The following ZMYM5 variants were observed in gnomAD, a reference collection of about 807,000 sequenced individuals.
ZMYM5 encodes the protein zinc finger MYM-type protein 5.
ZMYM5 carries 41 observed loss-of-function variants against 61.8 expected under a neutral mutation model. The observed-to-expected ratio is 0.66, with a 90% CI of 0.52 to 0.86. ZMYM5 has a LOEUF of 0.86. Among genes scored for constraint, ZMYM5 ranks in the 40% least tolerant of loss-of-function variants. The pLI, the probability that ZMYM5 is intolerant of heterozygous loss-of-function variation, is 0.00. For synonymous variants in ZMYM5, 257 were observed against 276.4 expected, an observed-to-expected ratio of 0.93 and a Z score of 0.70; for missense variants, 706 against 786.7, an observed-to-expected ratio of 0.90 and a Z score of 1.23.
At chr13:19,845,887 A>G (rs1953056513) in intron 4 of ZMYM5, among the ~76,000 whole-genome samples, 1 of 152,170 alleles carries the variant, frequency 6.6e-6, no homozygotes, top group Non-Finnish European at 1.5e-5. Flanking sequence ...GGGTTTCATT[A>G]CGTAGGCATG....
At chr13:19,847,203 C>T (rs1953105110) in intron 4 of ZMYM5, among the ~76,000 whole-genome samples, 1 of 152,092 alleles carries the variant, frequency 6.6e-6, no homozygotes, top group African/African-American at 2.4e-5. Flanking sequence ...CCTGCCTTGG[C>T]CTCAAAAAGT....
intron 2 of ZMYM5, among the ~76,000 whole-genome samples, chr13:19,854,052 C>T (rs1953417429): frequency 6.6e-6 from 1 of 152,146 alleles, no homozygotes; most frequent in Non-Finnish European, 1.5e-5. Flanking sequence ...ACTCTATCGC[C>T]AGGCCAGAGT....
chr13:19,837,521 C>G, intron 6 of ZMYM5, 135 bp downstream of exon 6: 1 of 1,602,450 alleles, frequency 6.2e-7, no homozygotes, highest in Non-Finnish European at 8.5e-7. Flanking sequence ...CTAACATATC[C>G]TTATTCTTCC....
Position 19,851,712 on chromosome 13 carries a change from T to C in ZMYM5, c.469A>G (p.Thr157Ala), listed in dbSNP as rs772472169. Residue 157 changes from threonine to alanine, a missense_variant, in exon 3 of 8, where the codon ACT (threonine) becomes GCT (alanine). Coordinates refer to ENST00000337963, the MANE Select transcript of ZMYM5 (RefSeq NM_001142684.2). ...KNKTNDLDFS[T>A]SSLSRSKTKT... Reference sequence around the variant, plus strand: ...ACCTTACTTCTTGAAAGACTGGAAGTGGAGAAATCCAAATCGTTGGTTTTG... The same window carrying C: ...ACCTTACTTCTTGAAAGACTGGAAGCGGAGAAATCCAAATCGTTGGTTTTG... The C allele has an allele frequency of 8.2e-6, 13 of 1,578,640 alleles. No homozygotes were observed. The Admixed American group carries it at 2.5e-4, about 31-fold the overall frequency.
intron 3 of ZMYM5, 56 bp from the exon 4 acceptor site, chr13:19,851,504 TG>T (rs1953295401): frequency 6.3e-7 from 1 of 1,590,424 alleles, no homozygotes; most frequent in Non-Finnish European, 8.6e-7. Context: ...ATTACTTGAC[TG>T]AAGTCCTTTA....
intron 2 of ZMYM5, among the ~76,000 whole-genome samples, chr13:19,859,275 A>G (rs934706337): frequency 2.0e-5 from 3 of 152,200 alleles, no homozygotes; most frequent in African/African-American, 7.2e-5. Context: ...GCAAAAAAGG[A>G]AAGTCCTAAA....
chr13:19,857,062 C>T (rs1242686397), intron 2 of ZMYM5, among the ~76,000 whole-genome samples: 3 of 151,640 alleles, frequency 2.0e-5, no homozygotes, highest in South Asian at 2.1e-4. Context: ...GCCGAGATCC[C>T]GCCACTGCAC....
At chr13:19,858,111 C>A (rs765364881) in intron 2 of ZMYM5, among the ~76,000 whole-genome samples, 1 of 149,692 alleles carries the variant, frequency 6.7e-6, no homozygotes, top group Non-Finnish European at 1.5e-5. Context: ...GCAGGAGAAT[C>A]ACTTGAGCCC....
In ZMYM5 at chr13:19,863,634, G is replaced by C. The variant is rs1324111683; in HGVS notation, c.-263C>G. ...CCGCGAGGTCCAGTCCCGGCTTTTC[G>C]CGCTGGTGAGGAGGCGGAGAAGCAG... On this transcript the variant is annotated 5_prime_UTR_variant, in exon 1 of 8. Transcript: ENST00000337963. The C allele has an allele frequency of 6.6e-6, 1 of 152,438 alleles. No individual in the cohort carries two copies. Among genetic ancestry groups the C allele is most frequent in the Non-Finnish European group, 1.5e-5 (1 of 68,146 alleles). The allele number at this position is 152,438 out of a possible 1,614,324, so 9.4% of individuals were successfully genotyped here. A position where few individuals can be genotyped will look rare whatever the true frequency, so the allele number is the denominator to read the frequency against.
Position 19,838,728 on chromosome 13 carries a change from G to T in ZMYM5, c.844C>A (p.Gln282Lys), listed in dbSNP as rs1346526607. Reference protein sequence around the residue: ...CLSSFSHKRTQNTRSIICKKD... With the variant: ...CLSSFSHKRTKNTRSIICKKD... ...TTACATATTATGCTTCGTGTGTTTT[G>T]AGTACGTTTATGAGAGAAGGAAGAA... The change falls in exon 5 of 8, where the codon CAA (glutamine) becomes AAA (lysine). Residue 282 changes from glutamine to lysine, a missense_variant. This residue lies in a region of ZMYM5 where 480 missense variants were observed against 461.7 expected (regional missense o/e 1.04). Coordinates refer to ENST00000337963, the MANE Select transcript of ZMYM5 (RefSeq NM_001142684.2). 1.2e-6 allele frequency: 2 copies of T among 1,614,050 alleles called. No homozygotes were observed. The highest frequency in any genetic ancestry group is 2.7e-5 in the African/African-American group (2 of 74,930).
At chr13:19,832,248 A>G (rs1473963316) in intron 7 of ZMYM5, among the ~76,000 whole-genome samples, 1 of 152,066 alleles carries the variant, frequency 6.6e-6, no homozygotes, top group Non-Finnish European at 1.5e-5. Flanking sequence ...TTGGAGGATA[A>G]GCATTATGGT....
intron 7 of ZMYM5, among the ~76,000 whole-genome samples, chr13:19,829,745 C>T (rs1436472860): frequency 6.6e-6 from 1 of 152,154 alleles, no homozygotes; most frequent in Non-Finnish European, 1.5e-5. Flanking sequence ...TAGGTGCACA[C>T]CACCATGCCC....
intron 4 of ZMYM5, among the ~76,000 whole-genome samples, chr13:19,847,420 T>C (rs569704992): frequency 1.2e-4 from 18 of 152,158 alleles, no homozygotes; most frequent in Non-Finnish European, 2.1e-4. Flanking sequence ...TTTCTTCTTA[T>C]ACTTCAAGCA....
chr13:19,861,131 G>A (rs184823468), intron 2 of ZMYM5, among the ~76,000 whole-genome samples: 1 of 152,132 alleles, frequency 6.6e-6, no homozygotes, highest in East Asian at 1.9e-4. Context: ...ACAGGAGTGA[G>A]TCACAGTGCC....
intron 2 of ZMYM5, among the ~76,000 whole-genome samples, chr13:19,853,592 G>A (rs879679886): frequency 8.6e-5 from 13 of 150,678 alleles, no homozygotes; most frequent in Non-Finnish European, 1.3e-4. Context: ...CACAACAGGC[G>A]TGGCCTCAGT....
chr13:19,832,013 G>A (rs144999110), intron 7 of ZMYM5, among the ~76,000 whole-genome samples: 1,828 of 150,682 alleles, frequency 0.012, 43 homozygotes, highest in African/African-American at 0.041. Flanking sequence ...TCACCACCAC[G>A]GCCTGGCTAA....
At chr13:19,840,611 C>T (rs1281777622) in intron 4 of ZMYM5, among the ~76,000 whole-genome samples, 1 of 152,062 alleles carries the variant, frequency 6.6e-6, no homozygotes, top group Non-Finnish European at 1.5e-5. Flanking sequence ...TGGACTCAAG[C>T]GATCTTCCTG....
chr13:19,855,467 T>A (rs111938731), intron 2 of ZMYM5, among the ~76,000 whole-genome samples: 1 of 151,762 alleles, frequency 6.6e-6, no homozygotes, highest in Admixed American at 6.6e-5. Context: ...TTTCACCGTG[T>A]TAGCCAGGAT....
At chr13:19,849,841 C>T (rs975432207) in intron 4 of ZMYM5, among the ~76,000 whole-genome samples, 3 of 151,874 alleles carry the variant, frequency 2.0e-5, no homozygotes, top group Admixed American at 6.6e-5. Context: ...ATTAGCTAGG[C>T]GTGATGGCAC....
Sources: gnomAD v4.1 joint callset for allele counts (sites outside exome capture counted in the v4.1 genomes callset) on GRCh38, gnomAD v4.1.1 for gene constraint, gnomAD v4.1.1 regional missense constraint, MANE v1.5 for transcripts, NCBI Gene and HGNC (gene_info 2026-07-23, HGNC 2026-07-21) for gene names.